Variants in SFMBT2 observed in about 807,000 individuals in gnomAD.
SFMBT2 encodes the protein Scm like with four mbt domains 2, also known as scm-like with four MBT domains protein 2.
SFMBT2 carries 38 observed loss-of-function variants against 110.1 expected under a neutral mutation model. The ratio of observed to expected loss-of-function variants is 0.35; its 90% CI spans 0.27 to 0.45. SFMBT2 has a LOEUF of 0.45. Ranked by LOEUF, SFMBT2 falls within the 20% of genes least tolerant of loss-of-function variation. SFMBT2 has a pLI of 1.00. For missense variants in SFMBT2, 1,011 were observed against 1,094.9 expected (o/e 0.92, Z 1.08); for synonymous variants, 425 against 425.4 (o/e 1.00, Z 0.01).
In SFMBT2 at chr10:7,171,411, C is replaced by A. The variant is rs1436648642; in HGVS notation, c.2416-355G>T. ...CGTCCAAGCAGACACGAGACAGTGT[C>A]CCCCAGTGTTTCTGTAATGGTGGTG... is the stretch of plus-strand genomic sequence containing the variant. On this transcript the variant is annotated intron_variant, in intron 19 of 20. Transcript: ENST00000397167. The surrounding 1 kb of genome is among the most constrained non-coding windows in gnomAD (Gnocchi z 4.9). The A allele has an allele frequency of 1.8e-5, 18 of 985,426 alleles. No individual in the cohort carries two copies. Among genetic ancestry groups the A allele is most frequent in the Non-Finnish European group, 2.0e-5 (17 of 829,914 alleles). The allele number at this position is 985,426 out of a possible 1,614,324, so 61.0% of individuals were successfully genotyped here.
At chr10:7,335,582 AACACACACACACAC>A (rs3065781) in intron 4 of SFMBT2, among the ~76,000 whole-genome samples, 98 of 142,994 alleles carry the variant, frequency 6.9e-4, no homozygotes, top group African/African-American at 2.4e-3. Context: ...CAGAAACAGA[AACACACACACACAC>A]ACACACACAC....
At chr10:7,266,944 C>T (rs1841412821) in intron 7 of SFMBT2, among the ~76,000 whole-genome samples, 1 of 152,190 alleles carries the variant, frequency 6.6e-6, no homozygotes, top group African/African-American at 2.4e-5. Context: ...TGGCTGCAAT[C>T]TGGAAATGTG....
intron 11 of SFMBT2, among the ~76,000 whole-genome samples, chr10:7,213,152 C>A (rs2462721): frequency 6.6e-6 from 1 of 151,776 alleles, no homozygotes; most frequent in Non-Finnish European, 1.5e-5. Context: ...ACCTAGATGA[C>A]GGGTTGATGG....
intron 1 of SFMBT2, among the ~76,000 whole-genome samples, chr10:7,407,323 G>A (rs1261386208): frequency 6.6e-6 from 1 of 151,928 alleles, no homozygotes; most frequent in Non-Finnish European, 1.5e-5. Flanking sequence ...CTGGAACATG[G>A]GTTCTTTCCC....
chr10:7,344,609 C>A (rs12769581), intron 4 of SFMBT2, among the ~76,000 whole-genome samples: 7,163 of 152,110 alleles, frequency 0.047, 238 homozygotes, highest in Non-Finnish European at 0.075. Flanking sequence ...AACCACCATG[C>A]AAGAAGAGAG....
intron 3 of SFMBT2, among the ~76,000 whole-genome samples, chr10:7,369,070 G>C (rs1167680665): frequency 6.6e-6 from 1 of 152,218 alleles, no homozygotes; most frequent in Non-Finnish European, 1.5e-5. Context: ...ATGCATGCCT[G>C]TAATCTCAGC....
At chr10:7,283,758 A>G in intron 6 of SFMBT2, 146 bp downstream of exon 6, 1 of 686,844 alleles carries the variant, frequency 1.5e-6, no homozygotes. Flanking sequence ...TCTCTATGGA[A>G]AGCATTGTGA....
chr10:7,181,262 G>C (rs1034893128), intron 16 of SFMBT2, among the ~76,000 whole-genome samples: 1 of 148,660 alleles, frequency 6.7e-6, no homozygotes, highest in Admixed American at 6.7e-5. Flanking sequence ...AAAAAGTACA[G>C]GTACATCCCT....
intron 4 of SFMBT2, among the ~76,000 whole-genome samples, chr10:7,290,132 G>A (rs1047180338): frequency 1.3e-5 from 2 of 151,908 alleles, no homozygotes; most frequent in South Asian, 2.1e-4. Flanking sequence ...TGAACGCTAC[G>A]ACAGGAAAGA....
At chr10:7,347,308 T>G (rs1266859078) in intron 4 of SFMBT2, among the ~76,000 whole-genome samples, 1 of 152,210 alleles carries the variant, frequency 6.6e-6, no homozygotes, top group Admixed American at 6.5e-5. Context: ...CCTTCCACCA[T>G]GCAGACATGG....
intron 12 of SFMBT2, chr10:7,202,810 T>G: frequency 1.0e-6 from 1 of 985,408 alleles, no homozygotes; most frequent in East Asian, 1.1e-4. Flanking sequence ...GTACACCTGT[T>G]GTACCTCACA....
chr10:7,345,387 C>G lies in SFMBT2; in HGVS notation c.436+22262G>C, dbSNP rs149223248. Among the ~76,000 whole-genome samples, 628 of 152,324 alleles carry G rather than the reference C, an allele frequency of 4.1e-3. 3 individuals are homozygous for G. Among genetic ancestry groups the G allele is most frequent in the Middle Eastern group, 0.014 (4 of 294 alleles). ...TTTACTTGTTGTTTTGAGACAGAGTCTAGCTCTGTCACCCAGGCTAGAGTG... is the reference window on the plus strand; with the variant it reads ...TTTACTTGTTGTTTTGAGACAGAGTGTAGCTCTGTCACCCAGGCTAGAGTG... On this transcript the variant is annotated intron_variant, in intron 4 of 20. Transcript: ENST00000397167.
At chr10:7,206,292 C>T (rs1259032896) in intron 11 of SFMBT2, 3 of 985,278 alleles carry the variant, frequency 3.0e-6, no homozygotes, top group South Asian at 4.7e-5. Flanking sequence ...TTCCTAAGAA[C>T]AGCTCTGGGG....
At chr10:7,395,773 A>C (rs1406750448) in intron 1 of SFMBT2, among the ~76,000 whole-genome samples, 1 of 150,560 alleles carries the variant, frequency 6.6e-6, no homozygotes, top group Non-Finnish European at 1.5e-5. Flanking sequence ...GTGGATGTAA[A>C]ATTTTCTATT....
intron 4 of SFMBT2, among the ~76,000 whole-genome samples, chr10:7,323,389 T>C (rs574153121): frequency 7.1e-6 from 1 of 140,492 alleles, no homozygotes; most frequent in East Asian, 2.1e-4. Context: ...AGGCGGAGGT[T>C]GCAGTGAGCC....
intron 4 of SFMBT2, among the ~76,000 whole-genome samples, chr10:7,331,801 C>G (rs1588455472): frequency 6.6e-6 from 1 of 152,082 alleles, no homozygotes; most frequent in East Asian, 1.9e-4. Flanking sequence ...GTCAGGAGTT[C>G]AAAATCAGCC....
chr10:7,229,729 T>TG (rs908856574), intron 9 of SFMBT2, among the ~76,000 whole-genome samples: 1 of 62,050 alleles, frequency 1.6e-5, no homozygotes, highest in African/African-American at 5.8e-5. Flanking sequence ...TTGTTGTTGT[T>TG]TTTTTTTTTG....
At chr10:7,180,052 C>A (rs1838198180) in intron 16 of SFMBT2, among the ~76,000 whole-genome samples, 1 of 152,158 alleles carries the variant, frequency 6.6e-6, no homozygotes, top group African/African-American at 2.4e-5. Flanking sequence ...GCCTGGACCC[C>A]TTCACTGGGG....
intron 7 of SFMBT2, among the ~76,000 whole-genome samples, chr10:7,260,995 G>C (rs764857894): frequency 6.6e-6 from 1 of 151,660 alleles, no homozygotes; most frequent in Non-Finnish European, 1.5e-5. Flanking sequence ...TTTGAGGTAC[G>C]TCTGTGCATC....
Sources: gnomAD v4.1 joint callset for allele counts (sites outside exome capture counted in the v4.1 genomes callset) on GRCh38, gnomAD v4.1.1 for gene constraint, Gnocchi (gnomAD v3.1) non-coding constraint, MANE v1.5 for transcripts, NCBI Gene and HGNC (gene_info 2026-07-23, HGNC 2026-07-21) for gene names.